KAT2B: variants seen among roughly 807,000 people sequenced by gnomAD.
KAT2B encodes histone acetyltransferase KAT2B.
KAT2B carries 36 observed loss-of-function variants against 105.9 expected under a neutral mutation model. That is an observed-to-expected ratio of 0.34 (90% confidence interval 0.26 to 0.45). The LOEUF (loss-of-function observed/expected upper bound fraction) is 0.45, where lower values mean the gene tolerates loss of function less well. Among genes scored for constraint, KAT2B ranks in the 20% least tolerant of loss-of-function variants. KAT2B has a pLI of 1.00. For missense variants in KAT2B, 820 were observed against 1,021.6 expected, an observed-to-expected ratio of 0.80 and a Z score of 2.69; for synonymous variants, 397 against 377.9, an observed-to-expected ratio of 1.05 and a Z score of -0.59.
At chr3:20,058,674 A>G (rs1238730167) in intron 1 of KAT2B, among the ~76,000 whole-genome samples, 1 of 152,106 alleles carries the variant, frequency 6.6e-6, no homozygotes, top group South Asian at 2.1e-4. Flanking sequence ...AAGTCATAGC[A>G]TTATGGTATC....
chr3:20,137,215 G>C (rs1216566727), intron 12 of KAT2B, among the ~76,000 whole-genome samples, 163 bp downstream of exon 12: 1 of 152,230 alleles, frequency 6.6e-6, no homozygotes, highest in Non-Finnish European at 1.5e-5. Flanking sequence ...CTGGATTAGA[G>C]AGTGTCACTA....
At chr3:20,131,797 C>T (rs1358087545) in intron 11 of KAT2B, among the ~76,000 whole-genome samples, 1 of 152,040 alleles carries the variant, frequency 6.6e-6, no homozygotes, top group Non-Finnish European at 1.5e-5. Flanking sequence ...CTCCTGGTCT[C>T]AAGAGATCCT....
In KAT2B at chr3:20,146,537, C is replaced by G. The variant is rs569114441; in HGVS notation, c.2119+107C>G. Reference sequence around the variant, plus strand: ...ACTTCGAAAGCTTTATTGCCCTGCCCGTCTCTGTGTTATCTCTAGTCTTTT... The same window carrying G: ...ACTTCGAAAGCTTTATTGCCCTGCCGGTCTCTGTGTTATCTCTAGTCTTTT... On this transcript the variant is annotated intron_variant, in intron 14 of 17. Transcript: ENST00000263754. The G allele has an allele frequency of 1.1e-5, 7 of 658,238 alleles. No individual in the cohort carries two copies. The East Asian group carries it at 1.8e-4, about 17-fold the overall frequency. The allele number at this position is 658,238 out of a possible 1,614,324, so 40.8% of individuals were successfully genotyped here.
chr3:20,121,574 G>T (rs1170118218), intron 8 of KAT2B, among the ~76,000 whole-genome samples: 1 of 152,038 alleles, frequency 6.6e-6, no homozygotes, highest in African/African-American at 2.4e-5. Context: ...ACTTTGTGAG[G>T]CATCATTTTA....
intron 7 of KAT2B, among the ~76,000 whole-genome samples, chr3:20,119,296 TA>T (rs1423619200): frequency 1.3e-5 from 2 of 151,538 alleles, no homozygotes; most frequent in Non-Finnish European, 2.9e-5. Context: ...TTTTTTTTTT[TA>T]CTAACTACCA....
chr3:20,140,106 A>G (rs1188800038), intron 12 of KAT2B, 115 bp from the exon 13 acceptor site: 4 of 687,418 alleles, frequency 5.8e-6, no homozygotes, highest in Admixed American at 5.1e-5. Context: ...GAATAGTACA[A>G]TGAGAACTTC....
intron 1 of KAT2B, among the ~76,000 whole-genome samples, chr3:20,069,619 G>A (rs1559517416): frequency 3.3e-5 from 5 of 150,940 alleles, no homozygotes; most frequent in African/African-American, 9.8e-5. Context: ...TCTGCCGCCC[G>A]GGTTCAAGTG....
chr3:20,066,721 C>T (rs1389006492), intron 1 of KAT2B, among the ~76,000 whole-genome samples: 1 of 151,084 alleles, frequency 6.6e-6, no homozygotes, highest in East Asian at 1.9e-4. Context: ...CTTTAGGGCA[C>T]ACACTATTTA....
chr3:20,073,909 A>C (rs1698373064), intron 2 of KAT2B, among the ~76,000 whole-genome samples: 1 of 152,248 alleles, frequency 6.6e-6, no homozygotes, highest in African/African-American at 2.4e-5. Context: ...CATTTAAAAC[A>C]GGATCTTCTT....
At position 20,063,885 on chromosome 3, in the gene KAT2B, CATTT is replaced by C. The variant is rs1698182138; in HGVS notation, c.304-8447_304-8444del. On this transcript the variant is annotated intron_variant, in intron 1 of 17. Transcript: ENST00000263754. ...TGAAGTCTTTCATCTATTTTGAGTT[CATTT>C]GTGTGTGTGTTATTAGCTAAGGGTC... Among the ~76,000 whole-genome samples the C allele has an allele frequency of 2.0e-5, 3 of 152,064 alleles. No individual in the cohort carries two copies. The South Asian group carries it at 6.2e-4, about 32-fold the overall frequency.
chr3:20,062,258 T>TATAA (rs1559514468), intron 1 of KAT2B, among the ~76,000 whole-genome samples: 2 of 12,546 alleles, frequency 1.6e-4, no homozygotes, highest in Non-Finnish European at 2.8e-4. Context: ...ATATAAAATA[T>TATAA]GATATATAAT....
rs367987625 is a variant in KAT2B, at chr3:20,095,280, C to A, written c.448C>A (p.Leu150Met). 1.2e-6 allele frequency: 2 copies of A among 1,612,280 alleles called. No homozygotes were observed. The highest frequency in any genetic ancestry group is 1.7e-6 in the Non-Finnish European group (2 of 1,178,672). The change falls in exon 3 of 18, where the codon CTG (leucine) becomes ATG (methionine). Residue 150 changes from leucine (L) to methionine (M), a missense_variant. Physicochemically the swap from Leu to Met is conservative, Grantham distance 15. Around this residue, in one of 6 missense-constraint regions of KAT2B, gnomAD observed 173 missense variants for 249.5 expected, o/e 0.69. Transcript: ENST00000263754. ...SHALAAHVSH[L>M]ENVSEEEMNR... ...ATCATAAGCTGCTCATGTTTCCCAC[C>A]TGGAGAATGTGTCAGAGGAAGAAAT...
At chr3:20,080,203 C>G (rs536090158) in intron 2 of KAT2B, among the ~76,000 whole-genome samples, 1 of 152,302 alleles carries the variant, frequency 6.6e-6, no homozygotes, top group East Asian at 1.9e-4. Context: ...TGTAGTTGAG[C>G]AAGCAGGTTC....
chr3:20,133,046 T>A (rs906394336), intron 11 of KAT2B, among the ~76,000 whole-genome samples: 1 of 152,212 alleles, frequency 6.6e-6, no homozygotes, highest in African/African-American at 2.4e-5. Context: ...TTTTTAGAAA[T>A]AATTTTTAAT....
At chr3:20,103,709 A>G (rs1698950078) in intron 5 of KAT2B, among the ~76,000 whole-genome samples, 1 of 152,144 alleles carries the variant, frequency 6.6e-6, no homozygotes, top group Non-Finnish European at 1.5e-5. Context: ...GTGCCCAGCT[A>G]TGATATTTTA....
chr3:20,069,954 T>C (rs1698290417), intron 1 of KAT2B, among the ~76,000 whole-genome samples: 1 of 152,236 alleles, frequency 6.6e-6, no homozygotes, highest in Non-Finnish European at 1.5e-5. Flanking sequence ...GAACATGGCC[T>C]CTGAGATCTT....
At chr3:20,097,006 C>T (rs933202391) in intron 3 of KAT2B, among the ~76,000 whole-genome samples, 4 of 151,720 alleles carry the variant, frequency 2.6e-5, no homozygotes, top group Non-Finnish European at 4.4e-5. Flanking sequence ...ATATGAACAG[C>T]TGGATTCCCC....
chr3:20,047,598 G>A (rs1019523315), intron 1 of KAT2B, among the ~76,000 whole-genome samples: 3 of 144,326 alleles, frequency 2.1e-5, no homozygotes, highest in Non-Finnish European at 3.0e-5. Flanking sequence ...TCCTCTTGCC[G>A]TGAGTACCTT....
intron 5 of KAT2B, among the ~76,000 whole-genome samples, chr3:20,106,037 T>A (rs2125160444): frequency 6.6e-6 from 1 of 152,292 alleles, no homozygotes; most frequent in African/African-American, 2.4e-5. Context: ...TTTAATTAAG[T>A]AACTGGGCCT....
Sources: gnomAD v4.1 joint callset for allele counts (sites outside exome capture counted in the v4.1 genomes callset) on GRCh38, gnomAD v4.1.1 for gene constraint, gnomAD v4.1.1 regional missense constraint, MANE v1.5 for transcripts, NCBI Gene and HGNC (gene_info 2026-07-23, HGNC 2026-07-21) for gene names.